FCHSD2: variants seen among roughly 807,000 people sequenced by gnomAD.
FCHSD2 encodes the protein F-BAR and double SH3 domains protein 2.
FCHSD2 carries 38 observed loss-of-function variants against 108.1 expected under a neutral mutation model. The ratio of observed to expected loss-of-function variants is 0.35; its 90% CI spans 0.27 to 0.46. The LOEUF is 0.46. FCHSD2 is among the 20% of genes least tolerant of loss of function. FCHSD2 has a pLI of 1.00. For missense variants in FCHSD2, 751 were observed against 897.8 expected, an observed-to-expected ratio of 0.84 and a Z score of 2.09; for synonymous variants, 279 against 314.7, an observed-to-expected ratio of 0.89 and a Z score of 1.20.
intron 12 of FCHSD2, among the ~76,000 whole-genome samples, chr11:72,870,354 T>C (rs981088449): frequency 4.6e-5 from 7 of 152,132 alleles, no homozygotes; most frequent in Admixed American, 1.3e-4. Context: ...GCATTGACAT[T>C]CAGCGTTATT....
chr11:73,103,218 TAAGG>T (rs145393765), intron 2 of FCHSD2, among the ~76,000 whole-genome samples: 33,950 of 151,968 alleles, frequency 0.22, 4,530 homozygotes, highest in Middle Eastern at 0.37. Context: ...TCTGTACACT[TAAGG>T]TAGATGGATT....
At chr11:73,079,674 C>A (rs1476876071) in intron 3 of FCHSD2, among the ~76,000 whole-genome samples, 1 of 151,898 alleles carries the variant, frequency 6.6e-6, no homozygotes, top group Admixed American at 6.6e-5. Context: ...AATGTTTACA[C>A]AATCAAAAAG....
At chr11:72,899,800 T>G (rs1424643452) in intron 10 of FCHSD2, among the ~76,000 whole-genome samples, 2 of 140,558 alleles carry the variant, frequency 1.4e-5, no homozygotes, top group Non-Finnish European at 3.1e-5. Context: ...TTTTTTAAAA[T>G]CATAGGCATT....
At chr11:72,997,316 T>A (rs949879137) in intron 5 of FCHSD2, among the ~76,000 whole-genome samples, 2 of 152,158 alleles carry the variant, frequency 1.3e-5, no homozygotes, top group African/African-American at 4.8e-5. Flanking sequence ...TGAAACAGAA[T>A]AGCCCTAAAA....
At chr11:72,991,239 C>G (rs1391102210) in intron 5 of FCHSD2, among the ~76,000 whole-genome samples, 1 of 152,150 alleles carries the variant, frequency 6.6e-6, no homozygotes, top group East Asian at 1.9e-4. Context: ...CAACCAAAAA[C>G]AGTCCAGGAC....
At chr11:73,094,325 G>T (rs1451672514) in intron 2 of FCHSD2, among the ~76,000 whole-genome samples, 1 of 152,200 alleles carries the variant, frequency 6.6e-6, no homozygotes, top group East Asian at 1.9e-4. Context: ...CCATTGGTGG[G>T]AATGTAAAAT....
At chr11:73,121,553 A>C (rs372301561) in intron 2 of FCHSD2, among the ~76,000 whole-genome samples, 16 of 152,170 alleles carry the variant, frequency 1.1e-4, no homozygotes, top group African/African-American at 3.6e-4. Context: ...GGTTGCTAAG[A>C]TTTAAATGAA....
chr11:72,963,468 C>T (rs1856851611), intron 8 of FCHSD2, among the ~76,000 whole-genome samples: 2 of 152,184 alleles, frequency 1.3e-5, no homozygotes. Context: ...AACCAGGAGT[C>T]AAACCAAATT....
chr11:72,993,580 T>TA (rs1475302766), intron 5 of FCHSD2, among the ~76,000 whole-genome samples: 4 of 152,206 alleles, frequency 2.6e-5, no homozygotes, highest in Non-Finnish European at 5.9e-5. Flanking sequence ...TATGCAGCCA[T>TA]AAAAATGATG....
intron 8 of FCHSD2, among the ~76,000 whole-genome samples, chr11:72,949,792 T>A (rs192853753): frequency 9.2e-5 from 14 of 152,354 alleles, no homozygotes; most frequent in African/African-American, 3.1e-4. Flanking sequence ...GACATTTGGG[T>A]TGTTTCCACC....
intron 3 of FCHSD2, among the ~76,000 whole-genome samples, chr11:73,058,635 G>A (rs1859089431): frequency 7.1e-6 from 1 of 140,440 alleles, no homozygotes; most frequent in African/African-American, 2.7e-5. Flanking sequence ...TTGCTCTGTC[G>A]CCCAGGCTGG....
chr11:73,051,902 CA>C (rs1565386145), intron 3 of FCHSD2, among the ~76,000 whole-genome samples: 8 of 149,266 alleles, frequency 5.4e-5, no homozygotes, highest in South Asian at 2.1e-4. Flanking sequence ...CACACACACA[CA>C]CACACACACA....
In FCHSD2 at chr11:72,955,660, G is replaced by A. The variant is rs532993695; in HGVS notation, c.705+28428C>T. The stretch of plus-strand genomic sequence containing the variant: ...AAGACAAGATTCTCCTATGACCCAG[G>A]AAACTCCAAGGGATTTAGGAGCTCT... On this transcript the variant is annotated intron_variant, in intron 8 of 19. Coordinates refer to ENST00000409418, the MANE Select transcript of FCHSD2 (RefSeq NM_014824.3). Among the ~76,000 whole-genome samples the A allele has an allele frequency of 7.8e-4, 118 of 152,238 alleles. 1 individual carries two copies. Among genetic ancestry groups the A allele is most frequent in the African/African-American group, 2.8e-3 (117 of 41,544 alleles).
chr11:72,975,532 T>A (rs1407394663), intron 8 of FCHSD2, among the ~76,000 whole-genome samples: 3 of 152,218 alleles, frequency 2.0e-5, no homozygotes, highest in Non-Finnish European at 4.4e-5. Flanking sequence ...CAACACTCCA[T>A]GATATATAAT....
chr11:72,970,132 A>G (rs900300202), intron 8 of FCHSD2, among the ~76,000 whole-genome samples: 1 of 152,248 alleles, frequency 6.6e-6, no homozygotes, highest in Admixed American at 6.5e-5. Context: ...TACTTGATAA[A>G]TGACTGATAA....
chr11:73,106,586 T>A (rs1860350348), intron 2 of FCHSD2, among the ~76,000 whole-genome samples: 1 of 152,070 alleles, frequency 6.6e-6, no homozygotes, highest in East Asian at 1.9e-4. Context: ...GAATTTAACA[T>A]TGTTGCAGGG....
intron 3 of FCHSD2, among the ~76,000 whole-genome samples, chr11:73,042,371 T>C (rs1858661814): frequency 6.6e-6 from 1 of 152,186 alleles, no homozygotes; most frequent in Non-Finnish European, 1.5e-5. Context: ...GGCAGTAAAA[T>C]ATGTGAGTTT....
intron 8 of FCHSD2, among the ~76,000 whole-genome samples, chr11:72,975,574 C>T (rs1857089172): frequency 6.6e-6 from 1 of 151,988 alleles, no homozygotes; most frequent in Non-Finnish European, 1.5e-5. Flanking sequence ...TCTCAATTAC[C>T]CCCATTTGAT....
At chr11:73,053,574 G>A (rs748665720) in intron 3 of FCHSD2, among the ~76,000 whole-genome samples, 5 of 151,842 alleles carry the variant, frequency 3.3e-5, no homozygotes, top group Non-Finnish European at 7.4e-5. Context: ...ATACAAATAC[G>A]TTATCTCTTG....
Sources: allele counts gnomAD v4.1 joint callset (sites outside exome capture counted in the v4.1 genomes callset), GRCh38; gene constraint gnomAD v4.1.1; transcripts MANE v1.5; gene names NCBI Gene and HGNC (gene_info 2026-07-23, HGNC 2026-07-21).